The following RUFY4 variants were observed in gnomAD, a reference collection of about 807,000 sequenced individuals.
The protein encoded by RUFY4 is RUN and FYVE domain containing 4.
Under a neutral mutation model 69.0 loss-of-function variants are expected in RUFY4, and 73 were observed. The ratio of observed to expected loss-of-function variants is 1.06; its 90% CI spans 0.88 to 1.29. The LOEUF is 1.29. Among genes scored for constraint, RUFY4 ranks in the 50% most tolerant of loss-of-function variants. RUFY4 has a pLI of 0.00. For synonymous variants in RUFY4, 287 were observed against 271.8 expected, an observed-to-expected ratio of 1.06 and a Z score of -0.55; for missense variants, 770 against 705.6, an observed-to-expected ratio of 1.09 and a Z score of -1.03.
Position 218,055,902 on chromosome 2 carries a change from T to C in RUFY4, c.-1157-2693T>C, listed in dbSNP as rs184099811. Among the ~76,000 whole-genome samples, 11 of 152,316 alleles carry C rather than the reference T, an allele frequency of 7.2e-5. No homozygotes were observed. In the East Asian group the frequency reaches 1.7e-3, roughly 24 times the overall value. On this transcript the variant is annotated intron_variant and NMD_transcript_variant, in intron 2 of 13. Transcript: ENST00000457754. Reference sequence around the variant, plus strand: ...GTAATACGACTCCTACCCCTCTCATTGACTACCTTTCCACTTCACAGGATA... The same window carrying C: ...GTAATACGACTCCTACCCCTCTCATCGACTACCTTTCCACTTCACAGGATA...
upstream of RUFY4, chr2:218,069,019 G>C (rs926547720): frequency 1.3e-5 from 2 of 152,474 alleles, no homozygotes; most frequent in African/African-American, 2.4e-5. Context: ...AAAACGAAAA[G>C]GAAACTAGCA....
chr2:218,071,406 T>C (rs1257885679), intron 2 of RUFY4, among the ~76,000 whole-genome samples: 1 of 152,170 alleles, frequency 6.6e-6, no homozygotes, highest in Non-Finnish European at 1.5e-5. Context: ...ACACCAGTCA[T>C]GCTCCTGCCT....
At chr2:218,089,359 G>A (rs1574521928) in exon 10 of RUFY4, 1 of 1,613,464 alleles carries the variant, frequency 6.2e-7, no homozygotes, top group South Asian at 1.1e-5. Flanking sequence ...CGGTATCCAT[G>A]CAGGTAAAGG....
chr2:218,042,132 A>G (rs1373668286), intron 2 of RUFY4, among the ~76,000 whole-genome samples: 1 of 152,262 alleles, frequency 6.6e-6, no homozygotes, highest in Non-Finnish European at 1.5e-5. Flanking sequence ...GGGAACCACC[A>G]CATGAGAGAC....
At chr2:218,063,977 C>T (rs1689261359) in intron 3 of RUFY4, among the ~76,000 whole-genome samples, 1 of 152,128 alleles carries the variant, frequency 6.6e-6, no homozygotes. Context: ...GCCCGAGGGT[C>T]CCCAAACTCT....
intron 2 of RUFY4, among the ~76,000 whole-genome samples, chr2:218,053,172 C>A (rs1399850247): frequency 6.6e-6 from 1 of 152,018 alleles, no homozygotes; most frequent in Non-Finnish European, 1.5e-5. Context: ...ACATCTTTGA[C>A]AAACTTCCCT....
chr2:218,068,396 G>T (rs1199449543), upstream of RUFY4, among the ~76,000 whole-genome samples: 1 of 152,064 alleles, frequency 6.6e-6, no homozygotes, highest in Non-Finnish European at 1.5e-5. Flanking sequence ...GGGAAGGAAT[G>T]AGGGAAAGAC....
Position 218,075,509 on chromosome 2 carries a change from G to A in RUFY4, c.1017G>A (p.Trp339Ter), listed in dbSNP as rs761358109. 3 of 1,575,344 alleles carry A rather than the reference G, an allele frequency of 1.9e-6. No individual in the cohort carries two copies. The South Asian group carries it at 3.6e-5, about 19-fold the overall frequency. The stretch of plus-strand genomic sequence containing the variant: ...GGACTCACAAAAAGGAAGCAGAGTG[G>A]AGTCACGTCCAGAGGCTGCTGATGC... The change falls in exon 7 of 11, where the codon TGG becomes TGA. Residue 339 changes from tryptophan (W) to a stop codon, truncating the protein, a stop_gained. Transcript: ENST00000344321. LOFTEE classifies it high-confidence loss of function.
chr2:218,055,130 C>G (rs1187034658), intron 2 of RUFY4, among the ~76,000 whole-genome samples: 2 of 152,190 alleles, frequency 1.3e-5, no homozygotes, highest in Admixed American at 1.3e-4. Context: ...CACATTGGCT[C>G]ATGCCTGTAA....
At chr2:218,051,572 A>T (rs1334865390) in intron 2 of RUFY4, among the ~76,000 whole-genome samples, 2 of 118,888 alleles carry the variant, frequency 1.7e-5, no homozygotes, top group South Asian at 5.8e-4. Flanking sequence ...ATATTTTAAA[A>T]AAAAAAAAAA....
At chr2:218,080,194 C>G (rs940541398) in intron 8 of RUFY4, among the ~76,000 whole-genome samples, 2 of 152,146 alleles carry the variant, frequency 1.3e-5, no homozygotes, top group Non-Finnish European at 2.9e-5. Flanking sequence ...AGTGAGGCAC[C>G]GGAATTCTCT....
At chr2:218,069,935 G>A (rs56246472), upstream of RUFY4, among the ~76,000 whole-genome samples, 37,871 of 151,990 alleles carry the variant, frequency 0.25, 5,822 homozygotes, top group East Asian at 0.35. Flanking sequence ...ACAACCAGGC[G>A]CCCTGCTCCC....
intron 2 of RUFY4, among the ~76,000 whole-genome samples, chr2:218,071,849 C>A (rs1048339068): frequency 6.6e-6 from 1 of 152,168 alleles, no homozygotes; most frequent in Non-Finnish European, 1.5e-5. Flanking sequence ...CAACCAGGCA[C>A]CCTGCTCCCC....
chr2:218,072,535 TG>T (rs2106050329), intron 3 of RUFY4, 36 bp downstream of exon 5: 2 of 1,534,028 alleles, frequency 1.3e-6, no homozygotes, highest in Non-Finnish European at 1.7e-6. Context: ...GCTGACGGGG[TG>T]GGGGTAGACA....
chr2:218,070,385 A>G (rs551685517), upstream of RUFY4: 1 of 607,106 alleles, frequency 1.6e-6, no homozygotes, highest in Non-Finnish European at 3.0e-6. Context: ...GGACTGCTCA[A>G]TCGGTGGAGG....
At chr2:218,038,726 G>C (rs1339561804) in intron 2 of RUFY4, among the ~76,000 whole-genome samples, 2 of 152,172 alleles carry the variant, frequency 1.3e-5, no homozygotes, top group African/African-American at 2.4e-5. Context: ...TGCTAATGTT[G>C]GTTGGGGGCT....
chr2:218,057,456 T>C (rs1689087621), intron 2 of RUFY4, among the ~76,000 whole-genome samples: 1 of 152,234 alleles, frequency 6.6e-6, no homozygotes, highest in East Asian at 1.9e-4. Flanking sequence ...CCTCCTTCAT[T>C]CCACATTATT....
intron 2 of RUFY4, among the ~76,000 whole-genome samples, chr2:218,050,274 C>A (rs1688914170): frequency 6.6e-6 from 1 of 152,216 alleles, no homozygotes; most frequent in African/African-American, 2.4e-5. Context: ...GCCTTACTCA[C>A]TCTCCAGTGT....
intron 2 of RUFY4, among the ~76,000 whole-genome samples, chr2:218,071,744 A>T (rs1444529749): frequency 2.0e-5 from 3 of 151,870 alleles, no homozygotes; most frequent in African/African-American, 7.3e-5. Flanking sequence ...TGTTGTCTTA[A>T]CTCCTTTATC....
Sources: allele counts gnomAD v4.1 joint callset (sites outside exome capture counted in the v4.1 genomes callset), GRCh38; gene constraint gnomAD v4.1.1; transcripts MANE v1.5; gene names NCBI Gene and HGNC (gene_info 2026-07-23, HGNC 2026-07-21).